Variants in RTN4RL2 observed in about 807,000 individuals in gnomAD.
The protein encoded by RTN4RL2 is reticulon 4 receptor like 2.
In RTN4RL2, 9 loss-of-function variants were observed where a neutral mutation model predicts 27.8. The ratio of observed to expected loss-of-function variants is 0.32; its 90% CI spans 0.20 to 0.57. The LOEUF (loss-of-function observed/expected upper bound fraction) is 0.57, where lower values mean the gene tolerates loss of function less well. Ranked by LOEUF, RTN4RL2 falls within the 20% of genes least tolerant of loss-of-function variation. The pLI, the probability that RTN4RL2 is intolerant of heterozygous loss-of-function variation, is 0.90. For synonymous variants in RTN4RL2, 285 were observed against 297.9 expected (o/e 0.96, Z 0.45); for missense variants, 436 against 596.8 (o/e 0.73, Z 2.81).
chr11:57,467,768 G>A lies in RTN4RL2; in HGVS notation c.191G>A (p.Arg64Gln), dbSNP rs1275894378. 1.2e-6 allele frequency: 2 copies of A among 1,613,760 alleles called. No homozygotes were observed. The highest frequency in any genetic ancestry group is 1.7e-6 in the Non-Finnish European group (2 of 1,179,994). The change falls in exon 2 of 3, where the codon CGA (arginine) becomes CAA (glutamine). Residue 64 changes from arginine (R) to glutamine (Q), a missense_variant. Coordinates refer to ENST00000335099, the MANE Select transcript of RTN4RL2 (RefSeq NM_178570.3). The surrounding 1 kb of genome is among the most constrained non-coding windows in gnomAD (Gnocchi z 5.5). Reference sequence around the variant, plus strand: ...CTGTCCCTGCCACCCAGCACTCAGCGACTCTTCCTGCAGAACAACCTCATC... The same window carrying A: ...CTGTCCCTGCCACCCAGCACTCAGCAACTCTTCCTGCAGAACAACCTCATC... ...VPLSLPPSTQRLFLQNNLIRT... is the reference protein window; with the variant it reads ...VPLSLPPSTQQLFLQNNLIRT...
Position 57,467,667 on chromosome 11 carries a change from C to A in RTN4RL2, c.90C>A (p.Ser30Arg). Residue 30 changes from serine (S) to arginine (R), a missense_variant, in exon 2 of 3, where the codon AGC (serine) becomes AGA (arginine). Physicochemically the swap from Ser to Arg is moderately radical, Grantham distance 110. Coordinates refer to ENST00000335099, the MANE Select transcript of RTN4RL2 (RefSeq NM_178570.3). This position sits in a 1 kb window ranked among gnomAD's most constrained non-coding sequence, Gnocchi z 5.5. ...TGGCCCTGCCCCTGGCGGCCCCCAG[C>A]TGCCCCATGCTCTGCACCTGCTACT... is the stretch of plus-strand genomic sequence containing the variant. ...MLLALPLAAPSCPMLCTCYSS... is the reference protein window; with the variant it reads ...MLLALPLAAPRCPMLCTCYSS... 1 of 1,611,442 alleles carries A rather than the reference C, an allele frequency of 6.2e-7. No individual in the cohort carries two copies. Among genetic ancestry groups the A allele is most frequent in the Middle Eastern group, 1.7e-4 (1 of 6,052 alleles).
intron 1 of RTN4RL2, among the ~76,000 whole-genome samples, chr11:57,463,027 C>T (rs1444591481): frequency 1.3e-5 from 2 of 152,226 alleles, no homozygotes; most frequent in African/African-American, 4.8e-5. Flanking sequence ...GTGTCTCACA[C>T]ATTCAGGCGT....
In RTN4RL2 at chr11:57,465,117, G is replaced by A. The variant is rs965353001; in HGVS notation, c.32-2492G>A. On this transcript the variant is annotated intron_variant, in intron 1 of 2. Coordinates refer to ENST00000335099, the MANE Select transcript of RTN4RL2 (RefSeq NM_178570.3). ...CCAAAAGCGAGGAGCAGCACACTGG[G>A]AGTGTGGATCTTCCACCCCGCACCT... 6.6e-5 allele frequency among the ~76,000 whole-genome samples: 10 copies of A among 152,330 alleles called. No individual in the cohort carries two copies. The East Asian group carries it at 1.9e-3, about 29-fold the overall frequency.
intron 2 of RTN4RL2, chr11:57,468,861 A>G (rs1484681221): frequency 1.1e-5 from 10 of 907,456 alleles, no homozygotes; most frequent in Non-Finnish European, 1.0e-5. Flanking sequence ...ATTCATTGTT[A>G]TTATTATTGA....
chr11:57,461,636 C>G (rs2135113658), intron 1 of RTN4RL2, among the ~76,000 whole-genome samples: 1 of 151,754 alleles, frequency 6.6e-6, no homozygotes, highest in South Asian at 2.1e-4. Flanking sequence ...AAGACCAGAT[C>G]AGGGGAGGGA....
Position 57,476,333 on chromosome 11 carries a change from C to T in RTN4RL2, c.685C>T (p.Leu229Phe). 6.2e-7 allele frequency: 1 copy of T among 1,611,364 alleles called. No individual in the cohort carries two copies. The highest frequency in any genetic ancestry group is 8.5e-7 in the Non-Finnish European group (1 of 1,179,102). Reference protein sequence around the residue: ...HRAAFRGLSRLTILYLFNNSL... With the variant: ...HRAAFRGLSRFTILYLFNNSL... ...CGCGGCCTTCCGCGGCCTCAGCCGC[C>T]TCACCATCCTCTACCTGTTCAACAA... The change falls in exon 3 of 3, where the codon CTC becomes TTC. Residue 229 changes from leucine to phenylalanine, a missense_variant. Coordinates refer to ENST00000335099, the MANE Select transcript of RTN4RL2 (RefSeq NM_178570.3). The surrounding 1 kb of genome is among the most constrained non-coding windows in gnomAD (Gnocchi z 8.2).
chr11:57,474,966 C>A (rs1180127135), intron 2 of RTN4RL2, among the ~76,000 whole-genome samples: 3 of 152,204 alleles, frequency 2.0e-5, no homozygotes, highest in African/African-American at 7.2e-5. Flanking sequence ...TCCTCTCCTC[C>A]CCTGCCGCCT....
intron 1 of RTN4RL2, among the ~76,000 whole-genome samples, chr11:57,465,284 TCA>T (rs1943514022): frequency 6.6e-6 from 1 of 152,122 alleles, no homozygotes; most frequent in Non-Finnish European, 1.5e-5. Context: ...CTACCCAAAA[TCA>T]CAGATACATA....
chr11:57,469,243 C>G (rs1943547361), intron 2 of RTN4RL2, among the ~76,000 whole-genome samples: 2 of 152,200 alleles, frequency 1.3e-5, no homozygotes, highest in African/African-American at 2.4e-5. Flanking sequence ...AGACCAAACC[C>G]CCTGCCTTCA....
At position 57,476,179 on chromosome 11, in the gene RTN4RL2, C is replaced by A; in HGVS notation, c.531C>A (p.Asp177Glu). Reference sequence around the variant, plus strand: ...CCACCCAGGATGACTTGTTCGCGGACCTGGCCAACCTGAGCCACCTCTTCC... The same window carrying A: ...CCACCCAGGATGACTTGTTCGCGGAACTGGCCAACCTGAGCCACCTCTTCC... The part of the protein sequence containing the change: ...LLHLQDDLFA[D>E]LANLSHLFLH... The change falls in exon 3 of 3, where the codon GAC (aspartate) becomes GAA (glutamate). Residue 177 changes from aspartate (D) to glutamate (E), a missense_variant. Asp to Glu is a conservative substitution (Grantham distance 45). Coordinates refer to ENST00000335099, the MANE Select transcript of RTN4RL2 (RefSeq NM_178570.3). This position sits in a 1 kb window ranked among gnomAD's most constrained non-coding sequence, Gnocchi z 8.2. The A allele has an allele frequency of 6.2e-7, 1 of 1,607,460 alleles. No homozygotes were observed. Among genetic ancestry groups the A allele is most frequent in the Non-Finnish European group, 8.5e-7 (1 of 1,176,404 alleles).
chr11:57,465,113 C>A (rs1470371557), intron 1 of RTN4RL2, among the ~76,000 whole-genome samples: 2 of 152,188 alleles, frequency 1.3e-5, no homozygotes, highest in Non-Finnish European at 2.9e-5. Context: ...GAGCAGCACA[C>A]TGGGAGTGTG....
rs1387022425 is a variant in RTN4RL2 at position 57,460,842 on chromosome 11, C to G, written c.-24C>G. The G allele has an allele frequency of 7.4e-5, 104 of 1,396,318 alleles. No individual in the cohort carries two copies. The highest frequency in any genetic ancestry group is 9.8e-5 in the Non-Finnish European group (104 of 1,059,816). 86.5% of individuals were successfully genotyped at this position (1,396,318 alleles called of 1,614,324 possible). ...GTGGGAGCGCCCTCCCCCCGCTGCC[C>G]CCTCCCCCGAGCATCGAGACAAGAT... On this transcript the variant is annotated 5_prime_UTR_variant, in exon 1 of 3. Coordinates refer to ENST00000335099, the MANE Select transcript of RTN4RL2 (RefSeq NM_178570.3).
intron 2 of RTN4RL2, among the ~76,000 whole-genome samples, chr11:57,469,358 G>A (rs917962921): frequency 6.6e-6 from 1 of 152,128 alleles, no homozygotes; most frequent in Non-Finnish European, 1.5e-5. Flanking sequence ...GACAGTAATA[G>A]CAGTAGCCGC....
In RTN4RL2 at chr11:57,476,193, G is replaced by A; in HGVS notation, c.545G>A (p.Ser182Asn). The A allele has an allele frequency of 6.2e-7, 1 of 1,610,014 alleles. No homozygotes were observed. Among genetic ancestry groups the A allele is most frequent in the Non-Finnish European group, 8.5e-7 (1 of 1,177,966 alleles). The change falls in exon 3 of 3, where the codon AGC becomes AAC. Residue 182 changes from serine (S) to asparagine (N), a missense_variant. By Grantham distance (46) the Ser-to-Asn change is conservative. This residue lies in a region of RTN4RL2 where 365 missense variants were observed against 530.5 expected (regional missense o/e 0.69). Coordinates refer to ENST00000335099, the MANE Select transcript of RTN4RL2 (RefSeq NM_178570.3). This position sits in a 1 kb window ranked among gnomAD's most constrained non-coding sequence, Gnocchi z 8.2. ...DDLFADLANLSHLFLHGNRLR... is the reference protein window; with the variant it reads ...DDLFADLANLNHLFLHGNRLR... ...TTGTTCGCGGACCTGGCCAACCTGA[G>A]CCACCTCTTCCTCCACGGGAACCGC...
In RTN4RL2 at chr11:57,468,071, A is replaced by C. The variant is rs1943539383; in HGVS notation, c.494A>C (p.Asn165Thr). The change falls in exon 2 of 3, where the codon AAC (asparagine) becomes ACC (threonine). Residue 165 changes from asparagine to threonine, a missense_variant. Transcript: ENST00000335099. ...VSLQYLYLQE[N>T]SLLHLQDDLF... is the part of the protein sequence containing the mutation. ...CTGCAGTACCTCTACCTCCAGGAGA[A>C]CAGCCTGCTCCACCTACAGGTGAGC... 1 of 1,595,908 alleles carries C rather than the reference A, an allele frequency of 6.3e-7. No individual in the cohort carries two copies. Among genetic ancestry groups the C allele is most frequent in the South Asian group, 1.1e-5 (1 of 90,784 alleles).
intron 2 of RTN4RL2, chr11:57,468,493 T>G (rs927669681): frequency 7.3e-7 from 1 of 1,378,876 alleles, no homozygotes; most frequent in Middle Eastern, 1.8e-4. Flanking sequence ...CATGTCTGTC[T>G]GCGTGTGTGT....
intron 1 of RTN4RL2, among the ~76,000 whole-genome samples, chr11:57,462,117 G>A (rs1406513737): frequency 6.6e-6 from 1 of 152,064 alleles, no homozygotes; most frequent in African/African-American, 2.4e-5. Flanking sequence ...CAGCCTCCGA[G>A]GGTGGGCAAA....
At chr11:57,468,142 T>G in intron 2 of RTN4RL2, 52 bp downstream of exon 2, 1 of 1,533,600 alleles carries the variant, frequency 6.5e-7, no homozygotes. Flanking sequence ...CCTCTCTCTG[T>G]GGGCCCCTCT....
chr11:57,461,445 T>A (rs1286303208), intron 1 of RTN4RL2, among the ~76,000 whole-genome samples: 2 of 10,544 alleles, frequency 1.9e-4, no homozygotes, highest in Admixed American at 1.3e-3. Flanking sequence ...GGGGGTGGGG[T>A]GGGGAGGGGT....
Sources: gnomAD v4.1 joint callset for allele counts (sites outside exome capture counted in the v4.1 genomes callset) on GRCh38, gnomAD v4.1.1 for gene constraint, gnomAD v4.1.1 regional missense constraint, Gnocchi (gnomAD v3.1) non-coding constraint, MANE v1.5 for transcripts, NCBI Gene and HGNC (gene_info 2026-07-23, HGNC 2026-07-21) for gene names.